PLA2G6: variants seen among roughly 807,000 people sequenced by gnomAD.
The protein encoded by PLA2G6 is 85/88 kDa calcium-independent phospholipase A2.
A neutral mutation model predicts 83.8 loss-of-function variants in PLA2G6; 62 were observed. The ratio of observed to expected loss-of-function variants is 0.74; its 90% confidence interval spans 0.60 to 0.91. The LOEUF (loss-of-function observed/expected upper bound fraction) is 0.91, where lower values mean the gene tolerates loss of function less well. Among genes scored for constraint, PLA2G6 ranks in the 40% least tolerant of loss-of-function variants. PLA2G6 has a pLI of 0.00. For missense variants in PLA2G6, 944 were observed against 1,102.0 expected (o/e 0.86, Z 2.03); for synonymous variants, 417 against 449.8 (o/e 0.93, Z 0.92).
chr22:38,157,191 TAAAC>T (rs979338830), intron 2 of PLA2G6, among the ~76,000 whole-genome samples: 47 of 151,738 alleles, frequency 3.1e-4, no homozygotes, highest in African/African-American at 9.9e-4. Context: ...TTTGAAAAGA[TAAAC>T]AAAATCAATA....
At chr22:38,145,721 C>A in intron 2 of PLA2G6, 68 bp from the exon 3 acceptor site, 1 of 1,150,684 alleles carries the variant, frequency 8.7e-7, no homozygotes, top group Non-Finnish European at 1.3e-6. Flanking sequence ...CACATCCCTG[C>A]TGGAATCAGA....
chr22:38,161,627 G>T (rs1280588913), intron 2 of PLA2G6, among the ~76,000 whole-genome samples: 2 of 152,140 alleles, frequency 1.3e-5, no homozygotes, highest in East Asian at 3.9e-4. Context: ...CTTGAATGGG[G>T]GGACCACCCT....
chr22:38,168,686 C>T (rs2090317603), intron 2 of PLA2G6, among the ~76,000 whole-genome samples: 1 of 152,170 alleles, frequency 6.6e-6, no homozygotes, highest in South Asian at 2.1e-4. Context: ...CCCGTCTCTG[C>T]TAAAAATACA....
intron 12 of PLA2G6, among the ~76,000 whole-genome samples, chr22:38,117,614 A>G (rs1052574199): frequency 1.2e-4 from 18 of 152,346 alleles, no homozygotes; most frequent in African/African-American, 3.8e-4. Flanking sequence ...ACAGCAGTCA[A>G]TTTACAACTA....
At chr22:38,140,475 T>C in intron 4 of PLA2G6, 1 of 375,350 alleles carries the variant, frequency 2.7e-6, no homozygotes, top group Non-Finnish European at 5.1e-6. Flanking sequence ...ATCATTGCAC[T>C]CTAGCCTGGG....
In PLA2G6 at chr22:38,146,054, G is replaced by T. The variant is rs1454939305; in HGVS notation, c.210-401C>A. Reference sequence around the variant, plus strand: ...TGCCCAGCTAATTTTTTTTTTTTTTGAGATAGAGTCTCATTTTGTCACCCA... The same window carrying T: ...TGCCCAGCTAATTTTTTTTTTTTTTTAGATAGAGTCTCATTTTGTCACCCA... On this transcript the variant is annotated intron_variant, in intron 2 of 16. Transcript: ENST00000332509. 2.3e-3 allele frequency: 516 copies of T among 226,934 alleles called. 3 individuals carry two copies. The highest frequency in any genetic ancestry group is 0.015 in the African/African-American group (489 of 32,854). 14.1% of individuals were successfully genotyped at this position (226,934 alleles called of 1,614,324 possible).
At chr22:38,143,457 A>G (rs962757143) in intron 3 of PLA2G6, 169 bp from the exon 4 acceptor site, 8 of 714,074 alleles carry the variant, frequency 1.1e-5, no homozygotes, top group Non-Finnish European at 1.5e-5. Context: ...GAATGTAATT[A>G]TATCTGATGT....
In PLA2G6 at chr22:38,126,389, A is replaced by G. The variant is rs778890839; in HGVS notation, c.1409T>C (p.Met470Thr). The change falls in exon 10 of 17, where the codon ATG (methionine) becomes ACG (threonine). Residue 470 changes from methionine (M) to threonine (T), a missense_variant. Transcript: ENST00000332509. ...ARKPAFILGSMRDEKRTHDHL... is the reference protein window; with the variant it reads ...ARKPAFILGSTRDEKRTHDHL... The stretch of plus-strand genomic sequence containing the variant: ...CACTTACGTCCGCTTCTCGTCCCTC[A>G]TGGAGCCCAGGATGAACGCTGGCTT... 2 of 1,613,438 alleles carry G rather than the reference A, an allele frequency of 1.2e-6. No individual in the cohort carries two copies. The highest frequency in any genetic ancestry group is 1.1e-5 in the South Asian group (1 of 91,074).
rs574623087 is a variant in PLA2G6 at position 38,172,088 on chromosome 22, G to A, written c.-45-2617C>T. Among the ~76,000 whole-genome samples, 6 of 152,260 alleles carry A rather than the reference G, an allele frequency of 3.9e-5. 1 individual carries two copies. The East Asian group carries it at 1.2e-3, about 29-fold the overall frequency. ...TTACAACTGCCCCTCCTGCCAGACGGTAAGCTTCGTCATCCTCCTACCAAA... is the reference window on the plus strand; with the variant it reads ...TTACAACTGCCCCTCCTGCCAGACGATAAGCTTCGTCATCCTCCTACCAAA... On this transcript the variant is annotated intron_variant, in intron 1 of 16. Transcript: ENST00000332509.
Position 38,169,272 on chromosome 22 carries a change from T to C in PLA2G6, c.155A>G (p.Asn52Ser), listed in dbSNP as rs772131195. 2.8e-5 allele frequency: 45 copies of C among 1,614,032 alleles called. No homozygotes were observed. The highest frequency in any genetic ancestry group is 3.5e-5 in the Non-Finnish European group (41 of 1,180,018). ...GQLILFQNTP[N>S]RTWDCVLVNP... ...GACCAGGACGCAGTCCCAGGTGCGG[T>C]TGGGAGTGTTCTGGAACAGAATCAG... The change falls in exon 2 of 17, where the codon AAC (asparagine) becomes AGC (serine). Residue 52 changes from asparagine (N) to serine (S), a missense_variant. Asn to Ser is a conservative substitution (Grantham distance 46). Coordinates refer to ENST00000332509, the MANE Select transcript of PLA2G6 (RefSeq NM_003560.4).
intron 1 of PLA2G6, among the ~76,000 whole-genome samples, chr22:38,174,253 C>T (rs947696940): frequency 6.6e-6 from 1 of 152,006 alleles, no homozygotes; most frequent in Admixed American, 6.6e-5. Flanking sequence ...AAAAAATTAG[C>T]TGGGCGTGGT....
chr22:38,140,145 C>A lies in PLA2G6; in HGVS notation c.634G>T (p.Gly212Cys), dbSNP rs1364443144. ...LQLLGRNAVAGLNQVNNQGLT... is the reference protein window; with the variant it reads ...LQLLGRNAVACLNQVNNQGLT... ...CCTTGGTTATTCACCTGGTTCAGGC[C>A]AGCCACTGCGTTCCTTCCAAGGAGC... Residue 212 changes from glycine to cysteine, a missense_variant, in exon 5 of 17, where the codon GGC becomes TGC. Gly to Cys is a radical substitution (Grantham distance 159, BLOSUM62 -3). Coordinates refer to ENST00000332509, the MANE Select transcript of PLA2G6 (RefSeq NM_003560.4). The A allele has an allele frequency of 1.9e-6, 3 of 1,614,144 alleles. No individual in the cohort carries two copies. The South Asian group carries it at 3.3e-5, about 18-fold the overall frequency.
intron 5 of PLA2G6, chr22:38,137,077 G>C (rs1349870009): frequency 1.3e-5 from 2 of 152,192 alleles, no homozygotes; most frequent in South Asian, 2.1e-4. Context: ...CAGCTCTCTG[G>C]GCTATAGTGA....
intron 2 of PLA2G6, chr22:38,146,371 AG>A (rs1321360124): frequency 6.6e-6 from 1 of 152,386 alleles, no homozygotes; most frequent in African/African-American, 2.4e-5. Context: ...TTTTGTTGAC[AG>A]GGGGTCTTGC....
At position 38,123,978 on chromosome 22, in the gene PLA2G6, G is replaced by A. The variant is rs1340944681; in HGVS notation, c.1428-720C>T. Among the ~76,000 whole-genome samples the A allele has an allele frequency of 3.3e-5, 5 of 152,100 alleles. No individual in the cohort carries two copies. Among genetic ancestry groups the A allele is most frequent in the Non-Finnish European group, 7.4e-5 (5 of 68,022 alleles). On this transcript the variant is annotated intron_variant, in intron 10 of 16. Transcript: ENST00000332509. This position sits in a 1 kb window ranked among gnomAD's most constrained non-coding sequence, Gnocchi z 4.1. ...AACCTCCCGAGTAGCTGGGATCACAGGTGCCCGCCACCACACCCAGCTAAT... is the reference window on the plus strand; with the variant it reads ...AACCTCCCGAGTAGCTGGGATCACAAGTGCCCGCCACCACACCCAGCTAAT...
chr22:38,117,446 C>T (rs1426905842), intron 12 of PLA2G6, among the ~76,000 whole-genome samples: 1 of 152,034 alleles, frequency 6.6e-6, no homozygotes, highest in Non-Finnish European at 1.5e-5. Flanking sequence ...CCGCCCACCT[C>T]GGCCTCCCAA....
rs1271575149 is a variant in PLA2G6, at chr22:38,140,012, A to G, written c.767T>C (p.Ile256Thr). The G allele has an allele frequency of 6.2e-7, 1 of 1,608,868 alleles. No homozygotes were observed. Among genetic ancestry groups the G allele is most frequent in the South Asian group, 1.1e-5 (1 of 90,208 alleles). The change falls in exon 5 of 17, where the codon ATC becomes ACC. Residue 256 changes from isoleucine (I) to threonine (T), a missense_variant. Coordinates refer to ENST00000332509, the MANE Select transcript of PLA2G6 (RefSeq NM_003560.4). ...CTGAGAGAACTTCATGGCCGAGTGGATGGGGTAGCCGTTGGGGCCCATGAT... is the reference window on the plus strand; with the variant it reads ...CTGAGAGAACTTCATGGCCGAGTGGGTGGGGTAGCCGTTGGGGCCCATGAT... ...CNIMGPNGYP[I>T]HSAMKFSQKG...
At chr22:38,117,469 A>C (rs1434483600) in intron 12 of PLA2G6, among the ~76,000 whole-genome samples, 1 of 152,076 alleles carries the variant, frequency 6.6e-6, no homozygotes, top group African/African-American at 2.4e-5. Flanking sequence ...TGCTGGGATT[A>C]CAAGCGTGAG....
chr22:38,132,387 G>A lies in PLA2G6; in HGVS notation c.1077+444C>T, dbSNP rs528927868. The A allele has an allele frequency of 1.2e-3, 376 of 321,458 alleles. 2 individuals are homozygous for A. Among genetic ancestry groups the A allele is most frequent in the African/African-American group, 7.4e-3 (339 of 45,710 alleles). 19.9% of individuals were successfully genotyped at this position (321,458 alleles called of 1,614,324 possible). A position where few individuals can be genotyped will look rare whatever the true frequency, so the allele number is the denominator to read the frequency against. ...GAAGGGAAGCAGGATGCTCACTCGG[G>A]CCAGGTACTGCGTGTGTCACTTAGA... On this transcript the variant is annotated intron_variant, in intron 7 of 16. Transcript: ENST00000332509. This position sits in a 1 kb window ranked among gnomAD's most constrained non-coding sequence, Gnocchi z 5.0.
Sources: allele counts gnomAD v4.1 joint callset (sites outside exome capture counted in the v4.1 genomes callset), GRCh38; gene constraint gnomAD v4.1.1; non-coding constraint Gnocchi (gnomAD v3.1); transcripts MANE v1.5; gene names NCBI Gene and HGNC (gene_info 2026-07-23, HGNC 2026-07-21).